ADAMTS12: variants seen among roughly 807,000 people sequenced by gnomAD.
ADAMTS12 encodes the protein A disintegrin and metalloproteinase with thrombospondin motifs 12.
A neutral mutation model predicts 167.8 loss-of-function variants in ADAMTS12; 118 were observed. The ratio of observed to expected loss-of-function variants is 0.70; its 90% CI spans 0.61 to 0.82. The LOEUF is 0.82. ADAMTS12 is among the 40% of genes least tolerant of loss of function. ADAMTS12 has a pLI of 0.00. For synonymous variants in ADAMTS12, 704 were observed against 716.9 expected (o/e 0.98, Z 0.29); for missense variants, 1,916 against 1,998.8 (o/e 0.96, Z 0.79).
Position 33,659,952 on chromosome 5 carries a change from T to C in ADAMTS12, c.1041-1619A>G, listed in dbSNP as rs73758961. Among the ~76,000 whole-genome samples the C allele has an allele frequency of 7.0e-3, 1,070 of 152,328 alleles. 16 individuals carry two copies. The highest frequency in any genetic ancestry group is 0.025 in the African/African-American group (1,020 of 41,580). On this transcript the variant is annotated intron_variant, in intron 6 of 23. Transcript: ENST00000504830. Reference sequence around the variant, plus strand: ...CCCTCCTAAGGGACATTTGGCAATGTCTGCAGACAGTTTCAGCTGTCAGAG... The same window carrying C: ...CCCTCCTAAGGGACATTTGGCAATGCCTGCAGACAGTTTCAGCTGTCAGAG...
At chr5:33,805,646 T>C (rs1019871544) in intron 2 of ADAMTS12, among the ~76,000 whole-genome samples, 1 of 152,224 alleles carries the variant, frequency 6.6e-6, no homozygotes, top group Non-Finnish European at 1.5e-5. Flanking sequence ...ACCTATGCAC[T>C]ATTTTTGTGT....
intron 19 of ADAMTS12, among the ~76,000 whole-genome samples, chr5:33,563,104 A>G (rs1175899328): frequency 3.3e-5 from 5 of 152,164 alleles, no homozygotes; most frequent in Non-Finnish European, 2.9e-5. Context: ...GAGGTAATAT[A>G]TTCTCCTCCT....
intron 2 of ADAMTS12, among the ~76,000 whole-genome samples, chr5:33,781,220 G>A (rs1225973009): frequency 1.3e-5 from 2 of 151,868 alleles, no homozygotes; most frequent in Admixed American, 6.6e-5. Context: ...GCAAATGTCT[G>A]TGCATGTGTA....
chr5:33,660,738 G>A (rs1367913575), intron 6 of ADAMTS12, among the ~76,000 whole-genome samples: 3 of 152,150 alleles, frequency 2.0e-5, no homozygotes, highest in Non-Finnish European at 4.4e-5. Flanking sequence ...CCACACCCAT[G>A]CTATTTCCCA....
At chr5:33,872,187 G>C (rs1750062003) in intron 2 of ADAMTS12, among the ~76,000 whole-genome samples, 1 of 152,164 alleles carries the variant, frequency 6.6e-6, no homozygotes, top group Non-Finnish European at 1.5e-5. Context: ...GAAGCAGAGG[G>C]AATTCTTTCT....
At chr5:33,676,633 A>G (rs1469545147) in intron 5 of ADAMTS12, among the ~76,000 whole-genome samples, 1 of 151,294 alleles carries the variant, frequency 6.6e-6, no homozygotes, top group Non-Finnish European at 1.5e-5. Flanking sequence ...ACAGTGAACT[A>G]TGTGCCACTG....
At chr5:33,760,118 T>G (rs1048907326) in intron 2 of ADAMTS12, among the ~76,000 whole-genome samples, 1 of 152,164 alleles carries the variant, frequency 6.6e-6, no homozygotes, top group African/African-American at 2.4e-5. Context: ...TGTACCACCC[T>G]TTGGAAAGCA....
At chr5:33,749,167 T>A (rs1413957733) in intron 3 of ADAMTS12, among the ~76,000 whole-genome samples, 1 of 152,156 alleles carries the variant, frequency 6.6e-6, no homozygotes, top group Non-Finnish European at 1.5e-5. Context: ...CTTACTGAAT[T>A]CCTACTTTGC....
intron 8 of ADAMTS12, 113 bp from the exon 9 acceptor site, chr5:33,649,079 T>A (rs1323088378): frequency 7.6e-7 from 1 of 1,323,462 alleles, no homozygotes; most frequent in Non-Finnish European, 1.0e-6. Flanking sequence ...AAGACAACTT[T>A]ATTTTTTACA....
intron 9 of ADAMTS12, among the ~76,000 whole-genome samples, chr5:33,645,564 T>G (rs894816576): frequency 1.3e-5 from 2 of 152,160 alleles, no homozygotes; most frequent in African/African-American, 4.8e-5. Flanking sequence ...TGCTTATCAC[T>G]CCCCCTTTTA....
At chr5:33,799,883 G>C (rs1034601458) in intron 2 of ADAMTS12, among the ~76,000 whole-genome samples, 1 of 152,136 alleles carries the variant, frequency 6.6e-6, no homozygotes, top group African/African-American at 2.4e-5. Flanking sequence ...CCTCAATCCA[G>C]ATAAGGGCAA....
chr5:33,711,216 A>C (rs1256734315), intron 3 of ADAMTS12, among the ~76,000 whole-genome samples: 1 of 151,876 alleles, frequency 6.6e-6, no homozygotes, highest in Non-Finnish European at 1.5e-5. Context: ...AGAACCCTGA[A>C]TCTCCTCTCC....
chr5:33,853,313 C>T (rs1469848977), intron 2 of ADAMTS12, among the ~76,000 whole-genome samples: 2 of 152,176 alleles, frequency 1.3e-5, no homozygotes, highest in East Asian at 1.9e-4. Context: ...CCTTCTGTGG[C>T]CCAGAAAGCC....
intron 22 of ADAMTS12, among the ~76,000 whole-genome samples, chr5:33,544,753 A>G (rs935939981): frequency 3.3e-5 from 5 of 152,200 alleles, no homozygotes; most frequent in Admixed American, 1.3e-4. Context: ...CAAAAACAAG[A>G]TATGGGGAAA....
At chr5:33,805,801 T>C (rs565368123) in intron 2 of ADAMTS12, among the ~76,000 whole-genome samples, 5 of 152,036 alleles carry the variant, frequency 3.3e-5, no homozygotes, top group African/African-American at 1.2e-4. Context: ...GGTGGGAGGA[T>C]AGCTTGAGCC....
At chr5:33,815,270 T>A (rs1169273709) in intron 2 of ADAMTS12, among the ~76,000 whole-genome samples, 2 of 152,202 alleles carry the variant, frequency 1.3e-5, no homozygotes, top group Non-Finnish European at 1.5e-5. Flanking sequence ...AGTCATAGAT[T>A]GAAGCCCCAA....
rs368758436 is a variant in ADAMTS12 at position 33,584,362 on chromosome 5, GT to G, written c.2865+4236del. On this transcript the variant is annotated intron_variant, in intron 18 of 23. Coordinates refer to ENST00000504830, the MANE Select transcript of ADAMTS12 (RefSeq NM_030955.4). ...TGTTTTTATAGATGCAATGCATGAG[GT>G]TTTTTTTTTCAGGTCTCAAATGTTG... Among the ~76,000 whole-genome samples, 10 of 148,642 alleles carry G rather than the reference GT, an allele frequency of 6.7e-5. No homozygotes were observed. In the South Asian group the frequency reaches 1.3e-3, roughly 19 times the overall value.
At chr5:33,881,583 T>C in intron 1 of ADAMTS12, 103 bp from the exon 2 acceptor site, 3 of 1,457,570 alleles carry the variant, frequency 2.1e-6, no homozygotes, top group Non-Finnish European at 2.7e-6. Flanking sequence ...TTTTTGGAAA[T>C]GGAGTTTTGC....
chr5:33,749,096 A>G (rs1744887657), intron 3 of ADAMTS12, among the ~76,000 whole-genome samples: 1 of 152,284 alleles, frequency 6.6e-6, no homozygotes, highest in South Asian at 2.1e-4. Context: ...ATTAGACACT[A>G]ATATACTCTA....
Sources: gnomAD v4.1 joint callset for allele counts (sites outside exome capture counted in the v4.1 genomes callset) on GRCh38, gnomAD v4.1.1 for gene constraint, MANE v1.5 for transcripts, NCBI Gene and HGNC (gene_info 2026-07-23, HGNC 2026-07-21) for gene names.